Variants in ITSN2 observed in about 807,000 individuals in gnomAD.
ITSN2 encodes intersectin 2, also known as intersectin-2.
ITSN2 carries 156 observed loss-of-function variants against 243.7 expected under a neutral mutation model. That is an observed-to-expected ratio of 0.64 (90% CI 0.56 to 0.73). The LOEUF is 0.73. Among genes scored for constraint, ITSN2 ranks in the 30% least tolerant of loss-of-function variants. ITSN2 has a pLI of 0.00. For synonymous variants in ITSN2, 703 were observed against 699.9 expected, an observed-to-expected ratio of 1.00 and a Z score of -0.07; for missense variants, 1,801 against 1,996.1, an observed-to-expected ratio of 0.90 and a Z score of 1.86.
At chr2:24,286,472 G>A in intron 15 of ITSN2, 121 bp from the exon 16 acceptor site, 1 of 740,618 alleles carries the variant, frequency 1.4e-6, no homozygotes, top group Non-Finnish European at 2.3e-6. Flanking sequence ...TATACACAAT[G>A]CAGACCAGTA....
intron 29 of ITSN2, chr2:24,239,408 ACT>A (rs1672495194): frequency 6.6e-6 from 1 of 151,954 alleles, no homozygotes; most frequent in Admixed American, 6.6e-5. Context: ...TTTTAAAATG[ACT>A]CTTTAAGATA....
chr2:24,284,012 T>C (rs1051086348), intron 17 of ITSN2, among the ~76,000 whole-genome samples: 1 of 152,206 alleles, frequency 6.6e-6, no homozygotes, highest in Non-Finnish European at 1.5e-5. Context: ...ACTCTACTTA[T>C]CATGTTTCTG....
intron 29 of ITSN2, among the ~76,000 whole-genome samples, chr2:24,237,399 T>C (rs1341153381): frequency 8.9e-6 from 1 of 111,996 alleles, no homozygotes; most frequent in Non-Finnish European, 1.8e-5. Context: ...CCTTTCACTA[T>C]CCAACCCTTA....
chr2:24,344,694 G>A (rs1487555109), intron 1 of ITSN2, among the ~76,000 whole-genome samples: 2 of 152,204 alleles, frequency 1.3e-5, no homozygotes, highest in Admixed American at 6.5e-5. Flanking sequence ...GCTCACGCCT[G>A]TAATCCCAGC....
chr2:24,326,516 G>C (rs1015186354), intron 2 of ITSN2: 2 of 166,888 alleles, frequency 1.2e-5, no homozygotes, highest in Non-Finnish European at 2.9e-5. Context: ...AACTTGAGTA[G>C]AGCATGTTAC....
intron 20 of ITSN2, among the ~76,000 whole-genome samples, chr2:24,262,395 C>A (rs942131102): frequency 6.6e-6 from 1 of 151,554 alleles, no homozygotes; most frequent in Non-Finnish European, 1.5e-5. Flanking sequence ...GTTCCTGTTA[C>A]ACAGTTTTTT....
At position 24,330,785 on chromosome 2, in the gene ITSN2, T is replaced by A. The variant is rs1387852475; in HGVS notation, c.-33-2670A>T. ...ATTTCATTTTACTTTTTTTTTTTTT[T>A]AGATGAATTCTCGCTCTATCGCCCA... is the stretch of plus-strand genomic sequence containing the variant. On this transcript the variant is annotated intron_variant, in intron 1 of 39. Transcript: ENST00000355123. 12 of 430,072 alleles carry A rather than the reference T, an allele frequency of 2.8e-5. No individual in the cohort carries two copies. The East Asian group carries it at 4.9e-4, about 18-fold the overall frequency. 26.6% of individuals were successfully genotyped at this position (430,072 alleles called of 1,614,324 possible).
chr2:24,301,104 G>A (rs773803861), intron 11 of ITSN2, 50 bp downstream of exon 11: 3 of 949,532 alleles, frequency 3.2e-6, no homozygotes, highest in East Asian at 5.0e-5. Flanking sequence ...TTTAAAGGTA[G>A]AATTTAAAAG....
intron 10 of ITSN2, among the ~76,000 whole-genome samples, 175 bp from the exon 11 acceptor site, chr2:24,301,414 G>A (rs1270943394): frequency 1.3e-5 from 2 of 152,122 alleles, no homozygotes; most frequent in Admixed American, 1.3e-4. Flanking sequence ...TCAAGACAGA[G>A]AAATCTGGAT....
intron 27 of ITSN2, among the ~76,000 whole-genome samples, chr2:24,247,110 G>A (rs1231000929): frequency 6.6e-6 from 1 of 152,132 alleles, no homozygotes; most frequent in Non-Finnish European, 1.5e-5. Context: ...GTGGGTACTG[G>A]GTCATGCCAA....
intron 29 of ITSN2, among the ~76,000 whole-genome samples, chr2:24,233,499 T>G (rs552720940): frequency 2.0e-5 from 3 of 152,316 alleles, no homozygotes; most frequent in African/African-American, 7.2e-5. Context: ...CTTTTGTGGT[T>G]GGGAGTTAAG....
chr2:24,279,420 T>C, intron 17 of ITSN2, among the ~76,000 whole-genome samples: 1 of 152,224 alleles, frequency 6.6e-6, no homozygotes, highest in Non-Finnish European at 1.5e-5. Context: ...TGACAACCCC[T>C]TTCTTAAGAA....
chr2:24,305,062 G>C (rs1335209334), intron 8 of ITSN2, among the ~76,000 whole-genome samples: 5 of 152,092 alleles, frequency 3.3e-5, no homozygotes, highest in Admixed American at 6.5e-5. Flanking sequence ...CTTGGAGTTA[G>C]TCACTTTCTC....
intron 29 of ITSN2, among the ~76,000 whole-genome samples, chr2:24,226,388 C>G (rs1671030368): frequency 6.6e-6 from 1 of 152,198 alleles, no homozygotes. Flanking sequence ...AAAATGTCCT[C>G]TCTCCAGAAG....
At chr2:24,254,188 T>A (rs1286968246) in intron 24 of ITSN2, among the ~76,000 whole-genome samples, 179 bp downstream of exon 24, 1 of 152,226 alleles carries the variant, frequency 6.6e-6, no homozygotes, top group Non-Finnish European at 1.5e-5. Flanking sequence ...ATTTTTTCTA[T>A]ATTCTCAATA....
At chr2:24,305,451 C>G (rs1042300601) in intron 8 of ITSN2, among the ~76,000 whole-genome samples, 1 of 151,862 alleles carries the variant, frequency 6.6e-6, no homozygotes, top group Non-Finnish European at 1.5e-5. Context: ...GAAAAATTAG[C>G]TGGGCGTGGT....
intron 23 of ITSN2, among the ~76,000 whole-genome samples, chr2:24,255,917 G>A (rs1283336676): frequency 6.6e-6 from 1 of 151,966 alleles, no homozygotes; most frequent in Non-Finnish European, 1.5e-5. Context: ...GCCGGGCATG[G>A]TTGCACATGC....
chr2:24,284,862 A>G lies in ITSN2; in HGVS notation c.1864-19T>C. On this transcript the variant is annotated intron_variant, in intron 16 of 39. Transcript: ENST00000355123. ...TCCCACACTGTAAGATAAGGCAGAT[A>G]AAAAGCCAATTAAACTACGTACAGA... The G allele has an allele frequency of 6.9e-7, 1 of 1,439,466 alleles. No individual in the cohort carries two copies. Among genetic ancestry groups the G allele is most frequent in the Non-Finnish European group, 9.6e-7 (1 of 1,038,124 alleles). The allele number at this position is 1,439,466 out of a possible 1,614,324, so 89.2% of individuals were successfully genotyped here.
At position 24,298,760 on chromosome 2, in the gene ITSN2, G is replaced by C; in HGVS notation, c.1399C>G (p.Arg467Gly). 1 of 1,610,440 alleles carries C rather than the reference G, an allele frequency of 6.2e-7. No homozygotes were observed. Among genetic ancestry groups the C allele is most frequent in the Non-Finnish European group, 8.5e-7 (1 of 1,178,244 alleles). Residue 467 changes from arginine (R) to glycine (G), a missense_variant, in exon 13 of 40, where the codon CGA becomes GGA. Physicochemically the swap from Arg to Gly is moderately radical, Grantham distance 125. Coordinates refer to ENST00000355123, the MANE Select transcript of ITSN2 (RefSeq NM_006277.3). The part of the protein sequence containing the change: ...QRRLEWERIR[R>G]QELLNQKNRE... ...TTCTTTTGATTGAGAAGCTCCTGTC[G>C]CCGAATTCTCTCCCATTCTAAGCGA... is the stretch of plus-strand genomic sequence containing the variant.
Sources: allele counts gnomAD v4.1 joint callset (sites outside exome capture counted in the v4.1 genomes callset), GRCh38; gene constraint gnomAD v4.1.1; transcripts MANE v1.5; gene names NCBI Gene and HGNC (gene_info 2026-07-23, HGNC 2026-07-21).